Variants in CHRM3 observed in about 807,000 individuals in gnomAD.
CHRM3 encodes the protein cholinergic receptor muscarinic 3, also known as muscarinic acetylcholine receptor M3.
Under a neutral mutation model 41.8 loss-of-function variants are expected in CHRM3, and 11 were observed. The ratio of observed to expected loss-of-function variants is 0.26; its 90% CI spans 0.17 to 0.44. CHRM3 has a LOEUF of 0.44. Among genes scored for constraint, CHRM3 ranks in the 20% least tolerant of loss-of-function variants. The probability of loss-of-function intolerance (pLI) is 1.00; values close to 1 mark genes in which losing one functional copy is unlikely to be tolerated. For synonymous variants in CHRM3, 297 were observed against 301.4 expected (o/e 0.99, Z 0.15); for missense variants, 571 against 745.4 (o/e 0.77, Z 2.72).
At chr1:239,530,719 C>A (rs1670344849) in intron 2 of CHRM3, among the ~76,000 whole-genome samples, 1 of 151,940 alleles carries the variant, frequency 6.6e-6, no homozygotes, top group South Asian at 2.1e-4. Flanking sequence ...GAGAGGAGCA[C>A]AAAAGCAGTC....
Position 239,490,676 on chromosome 1 carries a change from C to CAG in CHRM3, c.-520-2033_-520-2032insAG, listed in dbSNP as rs536421989. On this transcript the variant is annotated intron_variant, in intron 1 of 6. Transcript: ENST00000676153. ...TACTGGCCTCAAGCAATCCTTTGGCCTCAGCTACCTGGGTAGCTGGGACCC... is the reference window on the plus strand; with the variant it reads ...TACTGGCCTCAAGCAATCCTTTGGCCAGTCAGCTACCTGGGTAGCTGGGACCC... Among the ~76,000 whole-genome samples, 50 of 152,216 alleles carry CAG rather than the reference C, an allele frequency of 3.3e-4. No homozygotes were observed. In the South Asian group the frequency reaches 0.01, roughly 31 times the overall value.
In CHRM3 at chr1:239,627,884, A is replaced by T. The variant is rs1325308675; in HGVS notation, c.-312-4340A>T. Among the ~76,000 whole-genome samples the T allele has an allele frequency of 4.6e-5, 7 of 150,826 alleles. No individual in the cohort carries two copies. In the East Asian group the frequency reaches 1.4e-3, roughly 29 times the overall value. On this transcript the variant is annotated intron_variant, in intron 3 of 6. Transcript: ENST00000676153. ...TGCCGAGAGATCCGCTGTTAGTCTGATGGGCTTTCCTTTGAGGGTAACCCG... is the reference window on the plus strand; with the variant it reads ...TGCCGAGAGATCCGCTGTTAGTCTGTTGGGCTTTCCTTTGAGGGTAACCCG...
At chr1:239,649,371 A>G (rs1672036051) in intron 4 of CHRM3, among the ~76,000 whole-genome samples, 1 of 152,178 alleles carries the variant, frequency 6.6e-6, no homozygotes, top group African/African-American at 2.4e-5. Flanking sequence ...TGAGCGATAC[A>G]TTTCTGTTGT....
Position 239,438,309 on chromosome 1 carries a change from TACAC to T in CHRM3, c.-521+51091_-521+51094del, listed in dbSNP as rs562039050. Among the ~76,000 whole-genome samples the T allele has an allele frequency of 2.8e-4, 42 of 152,214 alleles. No individual in the cohort carries two copies. In the South Asian group the frequency reaches 8.7e-3, roughly 32 times the overall value. ...ATCTAGAAATCTTGATTTTTTTTCA[TACAC>T]ACACACACTCAAGTAAAGCTAGCCC... On this transcript the variant is annotated intron_variant, in intron 1 of 6. Coordinates refer to ENST00000676153, the MANE Select transcript of CHRM3 (RefSeq NM_001375978.1).
chr1:239,415,328 T>A (rs1174928919), intron 1 of CHRM3, among the ~76,000 whole-genome samples: 1 of 152,090 alleles, frequency 6.6e-6, no homozygotes, highest in African/African-American at 2.4e-5. Context: ...TAATCTCAGC[T>A]ACTCGGGAGG....
At chr1:239,412,345 C>T (rs981511511) in intron 1 of CHRM3, among the ~76,000 whole-genome samples, 5 of 442 alleles carry the variant, frequency 0.011, no homozygotes, top group Non-Finnish European at 0.028. Flanking sequence ...TCCCTCCCTC[C>T]CTCTTTTCCT....
At chr1:239,850,677 G>C (rs1674630335) in intron 6 of CHRM3, among the ~76,000 whole-genome samples, 1 of 152,118 alleles carries the variant, frequency 6.6e-6, no homozygotes. Context: ...TAGATCATGG[G>C]AGTGGGTCCC....
At chr1:239,659,749 G>C (rs768114076) in intron 4 of CHRM3, among the ~76,000 whole-genome samples, 26 of 152,184 alleles carry the variant, frequency 1.7e-4, no homozygotes, top group Non-Finnish European at 3.4e-4. Flanking sequence ...CCAAAGGATA[G>C]TGCATAACTG....
intron 6 of CHRM3, among the ~76,000 whole-genome samples, chr1:239,886,844 T>C (rs1678113805): frequency 6.6e-6 from 1 of 152,188 alleles, no homozygotes; most frequent in Non-Finnish European, 1.5e-5. Flanking sequence ...GAACCACGTT[T>C]TGCCAGATAC....
At chr1:239,783,903 T>C (rs1359909727) in intron 5 of CHRM3, among the ~76,000 whole-genome samples, 1 of 152,136 alleles carries the variant, frequency 6.6e-6, no homozygotes, top group Non-Finnish European at 1.5e-5. Flanking sequence ...ATTGTTCCCT[T>C]CTTATGTCCA....
At chr1:239,589,618 C>T (rs1246168167) in intron 3 of CHRM3, among the ~76,000 whole-genome samples, 1 of 123,498 alleles carries the variant, frequency 8.1e-6, no homozygotes, top group Non-Finnish European at 1.6e-5. Flanking sequence ...TATGTAATTT[C>T]CATGCATATA....
chr1:239,635,404 C>T (rs1451168396), intron 4 of CHRM3, among the ~76,000 whole-genome samples: 1 of 152,204 alleles, frequency 6.6e-6, no homozygotes, highest in Non-Finnish European at 1.5e-5. Flanking sequence ...TTGCTTCCTA[C>T]ACTCCAAGCC....
chr1:239,483,138 T>G (rs1666970485), intron 1 of CHRM3, among the ~76,000 whole-genome samples: 1 of 152,156 alleles, frequency 6.6e-6, no homozygotes, highest in Admixed American at 6.5e-5. Context: ...AATAGCCTAA[T>G]TAACAGTCTT....
chr1:239,873,905 C>A (rs1048853177), intron 6 of CHRM3, among the ~76,000 whole-genome samples: 1 of 152,172 alleles, frequency 6.6e-6, no homozygotes, highest in African/African-American at 2.4e-5. Flanking sequence ...CTACCTGCTC[C>A]TCTCATCGGA....
chr1:239,450,363 A>G (rs1321792850), intron 1 of CHRM3, among the ~76,000 whole-genome samples: 2 of 152,152 alleles, frequency 1.3e-5, no homozygotes, highest in African/African-American at 4.8e-5. Context: ...TTTCCCCTCC[A>G]AAGAACAAAC....
chr1:239,558,531 G>A (rs147933705), intron 3 of CHRM3, among the ~76,000 whole-genome samples: 7 of 152,208 alleles, frequency 4.6e-5, no homozygotes, highest in South Asian at 2.1e-4. Flanking sequence ...ATTGAATCTC[G>A]CATTTCAGCT....
intron 6 of CHRM3, among the ~76,000 whole-genome samples, chr1:239,905,160 T>A (rs140764567): frequency 1.3e-5 from 2 of 152,336 alleles, no homozygotes; most frequent in Non-Finnish European, 2.9e-5. Context: ...AATTTTAACA[T>A]GCACATCAAT....
intron 6 of CHRM3, among the ~76,000 whole-genome samples, chr1:239,864,519 TACACACACAC>T (rs199613762): frequency 1.4e-5 from 2 of 148,036 alleles, no homozygotes; most frequent in South Asian, 2.1e-4. Flanking sequence ...AAACAGAAAA[TACACACACAC>T]ACACACACAC....
chr1:239,853,592 A>G (rs1674873142), intron 6 of CHRM3, among the ~76,000 whole-genome samples: 1 of 152,050 alleles, frequency 6.6e-6, no homozygotes, highest in Non-Finnish European at 1.5e-5. Context: ...TAAAAGAAGA[A>G]AAAAATAAAT....
Sources: gnomAD v4.1 joint callset for allele counts (sites outside exome capture counted in the v4.1 genomes callset) on GRCh38, gnomAD v4.1.1 for gene constraint, MANE v1.5 for transcripts, NCBI Gene and HGNC (gene_info 2026-07-23, HGNC 2026-07-21) for gene names.